The following CACNA1C variants were observed in gnomAD, a reference collection of about 807,000 sequenced individuals.
The protein encoded by CACNA1C is voltage-dependent L-type calcium channel subunit alpha-1C.
Under a neutral mutation model 229.0 loss-of-function variants are expected in CACNA1C, and 30 were observed. That is an observed-to-expected ratio of 0.13 (90% CI 0.10 to 0.18). CACNA1C has a LOEUF of 0.18. Ranked by LOEUF, CACNA1C falls within the 10% of genes least tolerant of loss-of-function variation. CACNA1C has a pLI of 1.00. For synonymous variants in CACNA1C, 1,114 were observed against 1,132.5 expected, an observed-to-expected ratio of 0.98 and a Z score of 0.33; for missense variants, 1,658 against 2,845.0, an observed-to-expected ratio of 0.58 and a Z score of 9.49.
Position 2,347,816 on chromosome 12 carries a change from G to T in CACNA1C, c.478-101160G>T, listed in dbSNP as rs552542605. Among the ~76,000 whole-genome samples the T allele has an allele frequency of 2.0e-5, 3 of 152,344 alleles. No homozygotes were observed. In the East Asian group the frequency reaches 5.8e-4, roughly 29 times the overall value. ...TGTCCCTGGCCAGCTTCTACAGGAG[G>T]ACACATCCCCACATTGGGAGCAGGT... On this transcript the variant is annotated intron_variant, in intron 3 of 46. Transcript: ENST00000399655.
At chr12:2,449,194 T>C in intron 4 of CACNA1C, 79 bp downstream of exon 4, 2 of 1,118,952 alleles carry the variant, frequency 1.8e-6, no homozygotes, top group Non-Finnish European at 2.4e-6. Flanking sequence ...GAAGACAGGG[T>C]CGTTGTCAGA....
chr12:2,257,286 C>T (rs956204142), intron 3 of CACNA1C, among the ~76,000 whole-genome samples: 1 of 152,198 alleles, frequency 6.6e-6, no homozygotes, highest in Non-Finnish European at 1.5e-5. Context: ...AGCTGAGTAC[C>T]CTGGAGGACG....
At chr12:2,418,914 G>A (rs545014439) in intron 3 of CACNA1C, among the ~76,000 whole-genome samples, 1 of 152,174 alleles carries the variant, frequency 6.6e-6, no homozygotes, top group Non-Finnish European at 1.5e-5. Flanking sequence ...GAGTCACAGA[G>A]CCCCTTATGG....
Position 2,435,479 on chromosome 12 carries a change from C to T in CACNA1C, c.478-13497C>T, listed in dbSNP as rs191941299. Among the ~76,000 whole-genome samples, 202 of 152,284 alleles carry T rather than the reference C, an allele frequency of 1.3e-3. 1 individual carries two copies. The highest frequency in any genetic ancestry group is 6.2e-3 in the South Asian group (30 of 4,822). On this transcript the variant is annotated intron_variant, in intron 3 of 46. Transcript: ENST00000399655. ...GGGTGGGCCCTCGGCACAGGCCGTC[C>T]GTGTTGAGGATACTAAGGTGTCCTG...
intron 5 of CACNA1C, among the ~76,000 whole-genome samples, chr12:2,462,365 C>T (rs1365107733): frequency 6.6e-6 from 1 of 151,298 alleles, no homozygotes; most frequent in African/African-American, 2.5e-5. Flanking sequence ...CACAGGCCTG[C>T]GTACCTCCTC....
intron 1 of CACNA1C, among the ~76,000 whole-genome samples, chr12:1,985,088 C>T (rs1299356846): frequency 6.6e-6 from 1 of 151,540 alleles, no homozygotes. Context: ...ACTGTCATGT[C>T]ATGGGCATGG....
chr12:2,666,769 G>A lies in CACNA1C; in HGVS notation c.4610G>A (p.Arg1537His), dbSNP rs1455468826. 1 of 1,599,596 alleles carries A rather than the reference G, an allele frequency of 6.3e-7. No individual in the cohort carries two copies. ...GGTTTTGGGAAGCTGTGCCCTCACC[G>A]CGTGGCTTGCAAAGTAAGAGATAAC... ...PLGFGKLCPH[R>H]VACKRLVSMN... is the part of the protein sequence containing the mutation. The change falls in exon 37 of 47, where the codon CGC (arginine) becomes CAC (histidine). Residue 1537 changes from arginine to histidine, a missense_variant. Around this residue, in one of 20 missense-constraint regions of CACNA1C, gnomAD observed 151 missense variants for 344.4 expected, o/e 0.44. Transcript: ENST00000399655. The surrounding 1 kb of genome is among the most constrained non-coding windows in gnomAD (Gnocchi z 5.3).
intron 3 of CACNA1C, among the ~76,000 whole-genome samples, chr12:2,137,602 A>G (rs1424631219): frequency 2.6e-5 from 4 of 151,200 alleles, no homozygotes; most frequent in Admixed American, 6.6e-5. Flanking sequence ...AAAAATGCAA[A>G]GTGCCATATA....
chr12:2,497,218 A>G (rs2099748489), intron 7 of CACNA1C, among the ~76,000 whole-genome samples: 1 of 152,176 alleles, frequency 6.6e-6, no homozygotes, highest in African/African-American at 2.4e-5. Context: ...TGAGAATTCC[A>G]GTTGGTTTGA....
At chr12:2,317,663 A>T (rs2095762510) in intron 3 of CACNA1C, among the ~76,000 whole-genome samples, 2 of 152,228 alleles carry the variant, frequency 1.3e-5, no homozygotes. Context: ...ACAATTTTTA[A>T]AAATAATTAA....
chr12:2,585,882 C>G lies in CACNA1C; in HGVS notation c.2508C>G (p.Pro836=). ...LQPNENEDKS[P]YPNPETTGEE... is the part of the protein sequence containing the mutation. ...CCAATGAAAATGAGGATAAGAGCCCCTACCCCAACCCAGAAACTACAGGTA... is the reference window on the plus strand; with the variant it reads ...CCAATGAAAATGAGGATAAGAGCCCGTACCCCAACCCAGAAACTACAGGTA... Residue 836 remains proline (P), a synonymous_variant, in exon 18 of 47, where the codon CCC becomes CCG. Coordinates refer to ENST00000399655, the MANE Select transcript of CACNA1C (RefSeq NM_000719.7). This position sits in a 1 kb window ranked among gnomAD's most constrained non-coding sequence, Gnocchi z 4.1. 1 of 1,604,658 alleles carries G rather than the reference C, an allele frequency of 6.2e-7. No homozygotes were observed. The highest frequency in any genetic ancestry group is 8.5e-7 in the Non-Finnish European group (1 of 1,175,232).
At chr12:2,065,603 G>A (rs527611959) in intron 1 of CACNA1C, among the ~76,000 whole-genome samples, 5 of 152,200 alleles carry the variant, frequency 3.3e-5, no homozygotes, top group East Asian at 3.9e-4. Flanking sequence ...ACAGACATCC[G>A]CAACTGTAAT....
At chr12:2,149,422 G>A (rs2095028983) in intron 3 of CACNA1C, among the ~76,000 whole-genome samples, 1 of 152,128 alleles carries the variant, frequency 6.6e-6, no homozygotes, top group Non-Finnish European at 1.5e-5. Context: ...TTAATATTTC[G>A]ATTGCAAGAC....
intron 1 of CACNA1C, among the ~76,000 whole-genome samples, chr12:2,007,599 T>C (rs1427717902): frequency 6.6e-6 from 1 of 152,236 alleles, no homozygotes; most frequent in East Asian, 1.9e-4. Context: ...CTTACTTTGC[T>C]TACGGGGAAA....
intron 3 of CACNA1C, among the ~76,000 whole-genome samples, chr12:2,291,871 TAGA>T (rs2093552113): frequency 6.6e-6 from 1 of 152,210 alleles, no homozygotes; most frequent in South Asian, 2.1e-4. Context: ...CTCCATCAGC[TAGA>T]AGAAGAGAGA....
chr12:2,388,637 T>TC (rs2098436007), intron 3 of CACNA1C, among the ~76,000 whole-genome samples: 1 of 152,242 alleles, frequency 6.6e-6, no homozygotes, highest in Admixed American at 6.5e-5. Flanking sequence ...CAGTTCATGG[T>TC]CCATGTTGGG....
chr12:2,284,956 A>C (rs1391389969), intron 3 of CACNA1C, among the ~76,000 whole-genome samples: 1 of 151,932 alleles, frequency 6.6e-6, no homozygotes, highest in Non-Finnish European at 1.5e-5. Context: ...GTCTCCTTTC[A>C]TTTCTCCAGC....
At position 2,677,233 on chromosome 12, in the gene CACNA1C, G is replaced by A. The variant is rs751650507; in HGVS notation, c.4956+12G>A. On this transcript the variant is annotated intron_variant, in intron 40 of 46. Transcript: ENST00000399655. The surrounding 1 kb of genome is among the most constrained non-coding windows in gnomAD (Gnocchi z 7.4). Reference sequence around the variant, plus strand: ...CGCTGTCTCTGCAGGTGAGGGCCTGGGGGCGGGCCCACACTCCAGGAAGGT... The same window carrying A: ...CGCTGTCTCTGCAGGTGAGGGCCTGAGGGCGGGCCCACACTCCAGGAAGGT... 36 of 1,612,728 alleles carry A rather than the reference G, an allele frequency of 2.2e-5. No homozygotes were observed. Among genetic ancestry groups the A allele is most frequent in the Admixed American group, 1.8e-4 (11 of 59,944 alleles).
intron 3 of CACNA1C, among the ~76,000 whole-genome samples, chr12:2,408,955 A>G (rs2098772514): frequency 6.6e-6 from 1 of 152,068 alleles, no homozygotes. Flanking sequence ...CCCTTCCTCA[A>G]TATCTCTTTT....
Sources: gnomAD v4.1 joint callset for allele counts (sites outside exome capture counted in the v4.1 genomes callset) on GRCh38, gnomAD v4.1.1 for gene constraint, gnomAD v4.1.1 regional missense constraint, Gnocchi (gnomAD v3.1) non-coding constraint, MANE v1.5 for transcripts, NCBI Gene and HGNC (gene_info 2026-07-23, HGNC 2026-07-21) for gene names.